MACROD2: variants seen among roughly 807,000 people sequenced by gnomAD.
The protein encoded by MACROD2 is mono-ADP ribosylhydrolase 2, also known as ADP-ribose glycohydrolase MACROD2.
In MACROD2, 36 loss-of-function variants were observed where a neutral mutation model predicts 70.4. The ratio of observed to expected loss-of-function variants is 0.51; its 90% CI spans 0.39 to 0.68. The LOEUF (loss-of-function observed/expected upper bound fraction) is 0.68. Ranked by LOEUF, MACROD2 falls within the 30% of genes least tolerant of loss-of-function variation. The pLI is 0.00. For missense variants in MACROD2, 496 were observed against 538.4 expected (o/e 0.92, Z 0.78); for synonymous variants, 172 against 178.8 (o/e 0.96, Z 0.30).
intron 8 of MACROD2, among the ~76,000 whole-genome samples, chr20:15,621,955 T>A (rs747776246): frequency 5.9e-5 from 9 of 152,118 alleles, no homozygotes; most frequent in Non-Finnish European, 1.0e-4. Context: ...GATCAATAAT[T>A]GATTTAGATG....
At chr20:15,351,125 G>A (rs1268284305) in intron 6 of MACROD2, among the ~76,000 whole-genome samples, 1 of 151,684 alleles carries the variant, frequency 6.6e-6, no homozygotes, top group African/African-American at 2.4e-5. Context: ...GGGTGGGGGT[G>A]GGGGCAGTGG....
intron 4 of MACROD2, among the ~76,000 whole-genome samples, chr20:14,559,231 C>A (rs949410843): frequency 2.6e-5 from 4 of 151,588 alleles, no homozygotes; most frequent in African/African-American, 9.7e-5. Flanking sequence ...CTCATAAGTA[C>A]AAAAATTGTG....
chr20:15,436,051 CT>C (rs2046424113), intron 7 of MACROD2, among the ~76,000 whole-genome samples: 1 of 152,118 alleles, frequency 6.6e-6, no homozygotes, highest in Admixed American at 6.6e-5. Context: ...GTTAGTCCCC[CT>C]GGGGTTGAAA....
intron 5 of MACROD2, among the ~76,000 whole-genome samples, chr20:15,146,547 C>T (rs13045366): frequency 6.6e-6 from 1 of 151,976 alleles, no homozygotes; most frequent in Non-Finnish European, 1.5e-5. Context: ...TAGAGCAGGG[C>T]GTAGTAGAGC....
At chr20:14,047,458 A>C (rs2053496202) in intron 2 of MACROD2, among the ~76,000 whole-genome samples, 1 of 151,440 alleles carries the variant, frequency 6.6e-6, no homozygotes, top group Admixed American at 6.6e-5. Flanking sequence ...CCGTCTCAAA[A>C]AAAAAAAAAA....
intron 15 of MACROD2, among the ~76,000 whole-genome samples, chr20:16,005,698 G>A (rs926844546): frequency 2.6e-5 from 4 of 152,320 alleles, no homozygotes; most frequent in South Asian, 2.1e-4. Flanking sequence ...CTCACAGCGT[G>A]TCTTTTTGTT....
At position 15,255,235 on chromosome 20, in the gene MACROD2, T is replaced by C. The variant is rs555362064; in HGVS notation, c.540+25174T>C. Among the ~76,000 whole-genome samples, 77 of 152,162 alleles carry C rather than the reference T, an allele frequency of 5.1e-4. No homozygotes were observed. In the Middle Eastern group the frequency reaches 0.01, roughly 20 times the overall value. ...TCCTGTACTCTCTAATGTAAGAAGATTCTGAGGTTTTATTGAAATAAAGAG... is the reference window on the plus strand; with the variant it reads ...TCCTGTACTCTCTAATGTAAGAAGACTCTGAGGTTTTATTGAAATAAAGAG... On this transcript the variant is annotated intron_variant, in intron 6 of 17. Transcript: ENST00000684519.
intron 5 of MACROD2, among the ~76,000 whole-genome samples, chr20:15,093,224 T>C (rs2075804940): frequency 6.6e-6 from 1 of 152,120 alleles, no homozygotes; most frequent in South Asian, 2.1e-4. Context: ...AAAATCGTGG[T>C]TTGTATAAAA....
rs140114869 is a variant in MACROD2 at position 15,064,192 on chromosome 20, G to A, written c.419-165748G>A. ...GGAGGGGACCAATCTGAGTTGGTAC[G>A]TGACCCCTTCACCAAAGTAGGAACT... On this transcript the variant is annotated intron_variant, in intron 5 of 17. Transcript: ENST00000684519. 5.8e-4 allele frequency among the ~76,000 whole-genome samples: 88 copies of A among 152,186 alleles called. 1 individual carries two copies. In the East Asian group the frequency reaches 0.013, roughly 23 times the overall value.
chr20:14,405,859 C>T (rs1174127463), intron 3 of MACROD2, among the ~76,000 whole-genome samples: 2 of 152,096 alleles, frequency 1.3e-5, no homozygotes, highest in Non-Finnish European at 2.9e-5. Flanking sequence ...GAATCTATTA[C>T]ATATAGGTAG....
chr20:15,442,723 C>T (rs1600417153), intron 7 of MACROD2, among the ~76,000 whole-genome samples: 1 of 152,060 alleles, frequency 6.6e-6, no homozygotes, highest in South Asian at 2.1e-4. Context: ...GATGGACTTC[C>T]AGATATTTAC....
At position 15,537,467 on chromosome 20, in the gene MACROD2, C is replaced by CTTT. The variant is rs35857138; in HGVS notation, c.645+37642_645+37644dup. ...ACTTTGCCTGGGAAATCCCACTCAT[C>CTTT]TTTTTTTTTTTTTTTTTTTTTTTTG... On this transcript the variant is annotated intron_variant, in intron 8 of 17. Coordinates refer to ENST00000684519, the MANE Select transcript of MACROD2 (RefSeq NM_001351661.2). Among the ~76,000 whole-genome samples, 402 of 89,874 alleles carry CTTT rather than the reference C, an allele frequency of 4.5e-3. 2 individuals are homozygous for CTTT. The highest frequency in any genetic ancestry group is 6.3e-3 in the East Asian group (18 of 2,872). 59.0% of individuals were successfully genotyped at this position (89,874 alleles called of 152,430 possible). A position where few individuals can be genotyped will look rare whatever the true frequency, so the allele number is the denominator to read the frequency against.
chr20:15,702,237 C>T (rs543787410), intron 8 of MACROD2, among the ~76,000 whole-genome samples: 13 of 152,324 alleles, frequency 8.5e-5, no homozygotes, highest in South Asian at 8.3e-4. Flanking sequence ...TGAGAAATCT[C>T]CAACTTGCTT....
At position 16,044,537 on chromosome 20, in the gene MACROD2, G is replaced by T. The variant is rs780951202; in HGVS notation, c.1232-34G>T. ...TGTGTCTCAGAGATTTAGGTTTAAT[G>T]AATATTTAACTTTTTTTTTTTTTCT... is the stretch of plus-strand genomic sequence containing the variant. On this transcript the variant is annotated intron_variant, in intron 16 of 17. Coordinates refer to ENST00000684519, the MANE Select transcript of MACROD2 (RefSeq NM_001351661.2). 5 of 1,565,118 alleles carry T rather than the reference G, an allele frequency of 3.2e-6. No homozygotes were observed. The African/African-American group carries it at 5.4e-5, about 17-fold the overall frequency.
intron 5 of MACROD2, among the ~76,000 whole-genome samples, chr20:15,030,264 C>T (rs1377741100): frequency 6.6e-6 from 1 of 152,048 alleles, no homozygotes; most frequent in Non-Finnish European, 1.5e-5. Flanking sequence ...AAGCAGTCCT[C>T]AGCCTGGGAA....
chr20:15,385,071 T>C (rs895087564), intron 6 of MACROD2, among the ~76,000 whole-genome samples: 2 of 152,164 alleles, frequency 1.3e-5, no homozygotes, highest in African/African-American at 4.8e-5. Context: ...CTGTAATCAA[T>C]GGTGTCTTGA....
chr20:14,278,830 G>A (rs1418518260), intron 3 of MACROD2, among the ~76,000 whole-genome samples: 1 of 151,006 alleles, frequency 6.6e-6, no homozygotes, highest in Non-Finnish European at 1.5e-5. Flanking sequence ...TAAGTTTTAA[G>A]TAAGACTTAT....
At chr20:15,789,146 T>G (rs1020205426) in intron 8 of MACROD2, among the ~76,000 whole-genome samples, 6 of 152,196 alleles carry the variant, frequency 3.9e-5, no homozygotes, top group African/African-American at 1.4e-4. Context: ...TTATCTGCCT[T>G]TCTGATTTCT....
At chr20:14,748,561 G>A (rs1600621745) in intron 5 of MACROD2, among the ~76,000 whole-genome samples, 1 of 152,056 alleles carries the variant, frequency 6.6e-6, no homozygotes, top group Admixed American at 6.5e-5. Context: ...CTTAAGTAGT[G>A]CACAGAGAAG....
Sources: gnomAD v4.1 joint callset for allele counts (sites outside exome capture counted in the v4.1 genomes callset) on GRCh38, gnomAD v4.1.1 for gene constraint, MANE v1.5 for transcripts, NCBI Gene and HGNC (gene_info 2026-07-23, HGNC 2026-07-21) for gene names.